EXT1: variants seen among roughly 807,000 people sequenced by gnomAD.
EXT1 encodes the protein exostosin-1.
EXT1 carries 20 observed loss-of-function variants against 82.5 expected under a neutral mutation model. That is an observed-to-expected ratio of 0.24 (90% CI 0.17 to 0.35). The LOEUF (loss-of-function observed/expected upper bound fraction) is 0.35, where lower values mean the gene tolerates loss of function less well. EXT1 is among the 10% of genes least tolerant of loss of function. The pLI is 1.00. For synonymous variants in EXT1, 348 were observed against 350.8 expected (o/e 0.99, Z 0.09); for missense variants, 757 against 936.5 (o/e 0.81, Z 2.50).
At position 117,817,733 on chromosome 8, in the gene EXT1, G is replaced by C. The variant is rs180924812; in HGVS notation, c.1632+702C>G. Among the ~76,000 whole-genome samples the C allele has an allele frequency of 3.3e-3, 506 of 152,258 alleles. 1 individual carries two copies. The highest frequency in any genetic ancestry group is 0.01 in the African/African-American group (433 of 41,538). On this transcript the variant is annotated intron_variant, in intron 7 of 10. Transcript: ENST00000378204. ...AATTATAAATGATCAAATGTAGTAG[G>C]GGGCAGGGTCTGTAGGGGAAAGCAA... is the stretch of plus-strand genomic sequence containing the variant.
intron 1 of EXT1, among the ~76,000 whole-genome samples, chr8:118,074,662 G>A (rs73327854): frequency 0.056 from 8,580 of 152,162 alleles, 785 homozygotes; most frequent in African/African-American, 0.19. Flanking sequence ...GGTGAGGGGC[G>A]AGATATTTAC....
intron 1 of EXT1, among the ~76,000 whole-genome samples, chr8:117,843,493 A>G (rs1026502995): frequency 7.9e-5 from 12 of 152,108 alleles, no homozygotes; most frequent in African/African-American, 2.9e-4. Flanking sequence ...AGGTGATGGG[A>G]ATTCCTGGGG....
intron 1 of EXT1, among the ~76,000 whole-genome samples, chr8:117,863,354 G>C (rs1387529817): frequency 6.0e-5 from 7 of 116,036 alleles, no homozygotes; most frequent in Admixed American, 1.8e-4. Flanking sequence ...ATTCTCAGAA[G>C]CACTGTTTTA....
chr8:117,891,132 T>C (rs544257867), intron 1 of EXT1, among the ~76,000 whole-genome samples: 1 of 152,368 alleles, frequency 6.6e-6, no homozygotes, highest in East Asian at 1.9e-4. Context: ...CAGCCCCATC[T>C]TTCCTGAGCT....
chr8:118,110,993 G>C lies in EXT1; in HGVS notation c.54C>G (p.Ala18=), dbSNP rs757499913. Residue 18 remains alanine, a synonymous_variant, in exon 1 of 11, where the codon GCC becomes GCG. Coordinates refer to ENST00000378204, the MANE Select transcript of EXT1 (RefSeq NM_000127.3). ...FILLSAGSCL[A]LLFYFGGLQF... is the part of the protein sequence containing the mutation. ...GCAAGCCTCCGAAATAAAACAAAAG[G>C]GCGAGACAAGAGCCAGCTGAGAGCA... is the stretch of plus-strand genomic sequence containing the variant. The C allele has an allele frequency of 6.2e-6, 10 of 1,607,770 alleles. No individual in the cohort carries two copies. The highest frequency in any genetic ancestry group is 8.5e-6 in the Non-Finnish European group (10 of 1,179,882).
At chr8:118,034,095 G>C (rs1422103886) in intron 1 of EXT1, among the ~76,000 whole-genome samples, 1 of 152,198 alleles carries the variant, frequency 6.6e-6, no homozygotes, top group Non-Finnish European at 1.5e-5. Flanking sequence ...AGATTATTCA[G>C]ATGGTAGCAT....
intron 1 of EXT1, among the ~76,000 whole-genome samples, chr8:117,951,553 G>A (rs1466719853): frequency 6.6e-6 from 1 of 152,182 alleles, no homozygotes; most frequent in Non-Finnish European, 1.5e-5. Flanking sequence ...GAAGATACCT[G>A]CTGCCTATGG....
chr8:117,842,396 T>C (rs1408937372), intron 1 of EXT1, among the ~76,000 whole-genome samples: 1 of 152,110 alleles, frequency 6.6e-6, no homozygotes, highest in East Asian at 1.9e-4. Context: ...TAACAGAACA[T>C]AATGGAAAAC....
intron 1 of EXT1, among the ~76,000 whole-genome samples, chr8:117,851,534 A>G (rs974605434): frequency 1.3e-5 from 2 of 150,746 alleles, no homozygotes; most frequent in African/African-American, 2.4e-5. Context: ...TCCAACTTCT[A>G]TTCAGAAGCT....
At chr8:118,031,182 C>T (rs1218826850) in intron 1 of EXT1, among the ~76,000 whole-genome samples, 3 of 151,966 alleles carry the variant, frequency 2.0e-5, no homozygotes, top group African/African-American at 4.8e-5. Context: ...GAATCTGGGC[C>T]GGAGTTGCTG....
At chr8:118,006,563 G>A (rs565676229) in intron 1 of EXT1, among the ~76,000 whole-genome samples, 28 of 152,258 alleles carry the variant, frequency 1.8e-4, no homozygotes, top group African/African-American at 6.5e-4. Context: ...AATAATGGGG[G>A]ACAACTGTGG....
chr8:118,051,351 A>G (rs1175356855), intron 1 of EXT1, among the ~76,000 whole-genome samples: 2 of 152,144 alleles, frequency 1.3e-5, no homozygotes, highest in Non-Finnish European at 2.9e-5. Context: ...AAAACAAAAC[A>G]AAAGGAATGT....
intron 1 of EXT1, among the ~76,000 whole-genome samples, chr8:117,972,708 G>T (rs1026732583): frequency 1.3e-5 from 2 of 152,218 alleles, no homozygotes; most frequent in Admixed American, 6.5e-5. Flanking sequence ...CGGCGTAGCT[G>T]GGGAGGCCTC....
At chr8:117,840,958 A>T (rs1812265962) in intron 1 of EXT1, among the ~76,000 whole-genome samples, 1 of 152,220 alleles carries the variant, frequency 6.6e-6, no homozygotes, top group Non-Finnish European at 1.5e-5. Context: ...CCCTTCATAC[A>T]TTTCTAGCAG....
chr8:117,912,622 G>C (rs921725154), intron 1 of EXT1, among the ~76,000 whole-genome samples: 5 of 152,208 alleles, frequency 3.3e-5, no homozygotes, highest in Non-Finnish European at 5.9e-5. Context: ...AGAGCACTGG[G>C]TGGCAGAGGC....
chr8:117,861,028 G>T (rs896458159), intron 1 of EXT1, among the ~76,000 whole-genome samples: 1 of 152,230 alleles, frequency 6.6e-6, no homozygotes, highest in Middle Eastern at 3.4e-3. Context: ...ATCCAAACTC[G>T]ACACAGGACA....
intron 1 of EXT1, among the ~76,000 whole-genome samples, chr8:117,973,930 C>CAAGCAAGGAAGGAAGGAAGG (rs1307145988): frequency 2.5e-5 from 2 of 79,500 alleles, no homozygotes; most frequent in African/African-American, 1.1e-4. Flanking sequence ...AGGCAGAAAG[C>CAAGCAAGGAAGGAAGGAAGG]AAGGAAGGAA....
rs547467539 is a variant in EXT1, at chr8:117,858,215, G to A, written c.963-21014C>T. Among the ~76,000 whole-genome samples the A allele has an allele frequency of 1.0e-3, 156 of 152,362 alleles. 1 individual carries two copies. The highest frequency in any genetic ancestry group is 3.5e-3 in the African/African-American group (147 of 41,582). On this transcript the variant is annotated intron_variant, in intron 1 of 10. Transcript: ENST00000378204. The stretch of plus-strand genomic sequence containing the variant: ...CTTAGTTGACAAAGCAGTGGCAGGG[G>A]TTGAGAGGATTGACTCCAACTTTGA...
intron 1 of EXT1, among the ~76,000 whole-genome samples, chr8:118,060,840 T>C (rs187652212): frequency 1.4e-3 from 213 of 152,338 alleles, no homozygotes; most frequent in Non-Finnish European, 2.2e-3. Flanking sequence ...GCACAAGTAT[T>C]ATTCTTCACC....
Sources: allele counts gnomAD v4.1 joint callset (sites outside exome capture counted in the v4.1 genomes callset), GRCh38; gene constraint gnomAD v4.1.1; transcripts MANE v1.5; gene names NCBI Gene and HGNC (gene_info 2026-07-23, HGNC 2026-07-21).